The following KCNK13 variants were observed in gnomAD, a reference collection of about 807,000 sequenced individuals.
The protein encoded by KCNK13 is potassium channel subfamily K member 13.
KCNK13 carries 12 observed loss-of-function variants against 23.4 expected under a neutral mutation model. The observed-to-expected ratio is 0.51, with a 90% CI of 0.33 to 0.83. The LOEUF is 0.83. Ranked by LOEUF, KCNK13 falls within the 40% of genes least tolerant of loss-of-function variation. The pLI is 0.02. For missense variants in KCNK13, 463 were observed against 556.3 expected (o/e 0.83, Z 1.69); for synonymous variants, 231 against 229.5 (o/e 1.01, Z -0.06).
Position 90,062,422 on chromosome 14 carries a change from G to A in KCNK13, c.217G>A (p.Gly73Ser). 6.5e-7 allele frequency: 1 copy of A among 1,545,802 alleles called. No homozygotes were observed. Among genetic ancestry groups the A allele is most frequent in the Non-Finnish European group, 8.7e-7 (1 of 1,145,028 alleles). Reference sequence around the variant, plus strand: ...CAACCTGAGCCGCGACGAGCTGCGCGGCTTCCTCCGCCACTACGAGGAGGC... The same window carrying A: ...CAACCTGAGCCGCGACGAGCTGCGCAGCTTCCTCCGCCACTACGAGGAGGC... ...GHNLSRDELRGFLRHYEEATR... is the reference protein window; with the variant it reads ...GHNLSRDELRSFLRHYEEATR... The change falls in exon 1 of 2, where the codon GGC (glycine) becomes AGC (serine). Residue 73 changes from glycine to serine, a missense_variant. Around this residue, in one of 3 missense-constraint regions of KCNK13, gnomAD observed 153 missense variants for 153.6 expected, o/e 1.00. Coordinates refer to ENST00000282146, the MANE Select transcript of KCNK13 (RefSeq NM_022054.4). This position sits in a 1 kb window ranked among gnomAD's most constrained non-coding sequence, Gnocchi z 4.5.
intron 1 of KCNK13, among the ~76,000 whole-genome samples, chr14:90,071,176 A>C (rs1596764300): frequency 6.6e-6 from 1 of 152,102 alleles, no homozygotes; most frequent in African/African-American, 2.4e-5. Flanking sequence ...CCCTTTCTCT[A>C]TGAAGGAGAG....
chr14:90,178,579 C>T (rs1173031875), intron 1 of KCNK13, among the ~76,000 whole-genome samples: 9 of 152,032 alleles, frequency 5.9e-5, no homozygotes, highest in East Asian at 1.9e-4. Flanking sequence ...CATGAGCCAC[C>T]ACACCGGGCC....
chr14:90,068,643 C>A (rs556297812), intron 1 of KCNK13, among the ~76,000 whole-genome samples: 18 of 152,226 alleles, frequency 1.2e-4, no homozygotes, highest in African/African-American at 3.9e-4. Flanking sequence ...CTCAGGTCAA[C>A]CCCAGACCAA....
chr14:90,118,006 T>TG (rs1430061131), intron 1 of KCNK13, among the ~76,000 whole-genome samples: 1 of 152,206 alleles, frequency 6.6e-6, no homozygotes, highest in Non-Finnish European at 1.5e-5. Flanking sequence ...GACAGCTCAA[T>TG]GACTACAACC....
intron 1 of KCNK13, among the ~76,000 whole-genome samples, chr14:90,069,437 A>G (rs1170223983): frequency 6.6e-6 from 1 of 151,892 alleles, no homozygotes; most frequent in Non-Finnish European, 1.5e-5. Flanking sequence ...CAAGACCCCC[A>G]TGGGATTCTG....
intron 1 of KCNK13, among the ~76,000 whole-genome samples, chr14:90,095,188 G>A (rs1327480515): frequency 2.6e-5 from 4 of 152,146 alleles, no homozygotes; most frequent in East Asian, 1.9e-4. Context: ...GAACCACTGC[G>A]GCTAGCTTTA....
intron 1 of KCNK13, among the ~76,000 whole-genome samples, chr14:90,126,441 A>ACG (rs1294852762): frequency 1.7e-4 from 21 of 123,288 alleles, no homozygotes; most frequent in African/African-American, 5.7e-4. Flanking sequence ...ATGTGACGTG[A>ACG]TGTGACGTGA....
rs546423368 is a variant in KCNK13, at chr14:90,101,790, C to CAAAAAAAAAAAAAAAAAAAAAAAA, written c.334+39273_334+39274insAAAAAAAAAAAAAAAAAAAAAAAA. 2.0e-4 allele frequency among the ~76,000 whole-genome samples: 11 copies of CAAAAAAAAAAAAAAAAAAAAAAAA among 55,582 alleles called. 1 individual carries two copies. The highest frequency in any genetic ancestry group is 3.3e-4 in the African/African-American group (5 of 15,152). The allele number at this position is 55,582 out of a possible 152,430, so 36.5% of individuals were successfully genotyped here. On this transcript the variant is annotated intron_variant, in intron 1 of 1. Transcript: ENST00000282146. Reference sequence around the variant, plus strand: ...GGGCAACAGAGTGAGACTCCGTCTCCAAAAAAAAAAAAAAAAAAAAAACCT... The same window carrying CAAAAAAAAAAAAAAAAAAAAAAAA: ...GGGCAACAGAGTGAGACTCCGTCTCCAAAAAAAAAAAAAAAAAAAAAAAAAAAAAAAAAAAAAAAAAAAAAACCT...
chr14:90,155,922 G>A (rs1384969378), intron 1 of KCNK13, among the ~76,000 whole-genome samples: 3 of 152,052 alleles, frequency 2.0e-5, no homozygotes, highest in African/African-American at 7.2e-5. Context: ...CTGGAAGACA[G>A]GCCAGGTGTG....
chr14:90,110,598 T>C (rs1034561953), intron 1 of KCNK13, among the ~76,000 whole-genome samples: 1 of 152,084 alleles, frequency 6.6e-6, no homozygotes, highest in African/African-American at 2.4e-5. Flanking sequence ...AGCAAGGACA[T>C]AAGGAGTCTC....
At position 90,159,932 on chromosome 14, in the gene KCNK13, C is replaced by A. The variant is rs79659039; in HGVS notation, c.335-24179C>A. On this transcript the variant is annotated intron_variant, in intron 1 of 1. Transcript: ENST00000282146. ...CTCCAGACTTGGTATTCTTAATAAT[C>A]GTGTGTGTGTAGGGGTGTGTGTGTG... Among the ~76,000 whole-genome samples the A allele has an allele frequency of 7.0e-5, 9 of 128,006 alleles. No homozygotes were observed. In the East Asian group the frequency reaches 2.3e-3, roughly 33 times the overall value. The allele number at this position is 128,006 out of a possible 152,430, so 84.0% of individuals were successfully genotyped here. A position where few individuals can be genotyped will look rare whatever the true frequency, so the allele number is the denominator to read the frequency against.
chr14:90,114,350 C>T (rs544767774), intron 1 of KCNK13, among the ~76,000 whole-genome samples: 2 of 152,170 alleles, frequency 1.3e-5, no homozygotes, highest in Admixed American at 1.3e-4. Context: ...CTTGGCTGCA[C>T]ATTGGAATCA....
intron 1 of KCNK13, among the ~76,000 whole-genome samples, chr14:90,136,987 C>T (rs372289294): frequency 1.2e-4 from 19 of 152,266 alleles, no homozygotes; most frequent in African/African-American, 4.6e-4. Context: ...AAGGGTCACT[C>T]AATCGCAAAA....
chr14:90,072,876 A>G (rs1889092347), intron 1 of KCNK13, among the ~76,000 whole-genome samples: 1 of 152,162 alleles, frequency 6.6e-6, no homozygotes, highest in African/African-American at 2.4e-5. Flanking sequence ...GCATAAAATA[A>G]AAGTATGAAA....
chr14:90,090,146 G>A (rs1012319417), intron 1 of KCNK13, among the ~76,000 whole-genome samples: 7 of 152,220 alleles, frequency 4.6e-5, no homozygotes, highest in Admixed American at 1.3e-4. Context: ...TCCACCGACC[G>A]CTTGCACCAT....
chr14:90,138,753 C>T (rs559672771), intron 1 of KCNK13, among the ~76,000 whole-genome samples: 85 of 152,342 alleles, frequency 5.6e-4, no homozygotes, highest in African/African-American at 2.0e-3. Flanking sequence ...GCCTGCACTC[C>T]ATAGCTGCAC....
chr14:90,073,763 C>T (rs930523043), intron 1 of KCNK13, among the ~76,000 whole-genome samples: 5 of 152,056 alleles, frequency 3.3e-5, no homozygotes, highest in Admixed American at 6.6e-5. Context: ...CTCTGTCTCC[C>T]GGGTTCAAGC....
At chr14:90,135,692 G>A (rs767437311) in intron 1 of KCNK13, among the ~76,000 whole-genome samples, 6 of 152,090 alleles carry the variant, frequency 3.9e-5, no homozygotes, top group South Asian at 2.1e-4. Context: ...GAGGGTCTTC[G>A]GCTTGCTTTC....
chr14:90,180,597 A>G (rs761959780), intron 1 of KCNK13, among the ~76,000 whole-genome samples: 6 of 152,238 alleles, frequency 3.9e-5, no homozygotes, highest in Non-Finnish European at 8.8e-5. Context: ...GATAACCAAA[A>G]GTCATGATTA....
Sources: allele counts gnomAD v4.1 joint callset (sites outside exome capture counted in the v4.1 genomes callset), GRCh38; gene constraint gnomAD v4.1.1; regional missense constraint gnomAD v4.1.1; non-coding constraint Gnocchi (gnomAD v3.1); transcripts MANE v1.5; gene names NCBI Gene and HGNC (gene_info 2026-07-23, HGNC 2026-07-21).